CDC42BPA: variants seen among roughly 807,000 people sequenced by gnomAD.
The protein encoded by CDC42BPA is CDC42 binding protein kinase alpha.
A neutral mutation model predicts 223.5 loss-of-function variants in CDC42BPA; 80 were observed. The observed-to-expected ratio is 0.36, with a 90% CI of 0.30 to 0.43. The LOEUF is 0.43. Ranked by LOEUF, CDC42BPA falls within the 20% of genes least tolerant of loss-of-function variation. CDC42BPA has a pLI of 1.00. For missense variants in CDC42BPA, 1,743 were observed against 2,099.9 expected (o/e 0.83, Z 3.32); for synonymous variants, 694 against 718.6 (o/e 0.97, Z 0.55).
At chr1:227,025,769 G>C (rs1668142338) in intron 31 of CDC42BPA, among the ~76,000 whole-genome samples, 1 of 152,056 alleles carries the variant, frequency 6.6e-6, no homozygotes, top group African/African-American at 2.4e-5. Flanking sequence ...AAAAGTAGAA[G>C]ATAACACTGA....
At chr1:227,300,818 A>G (rs898010930) in intron 1 of CDC42BPA, among the ~76,000 whole-genome samples, 2 of 152,204 alleles carry the variant, frequency 1.3e-5, no homozygotes, top group Non-Finnish European at 2.9e-5. Context: ...TCCAAAAGCT[A>G]TGAGAATTTA....
intron 5 of CDC42BPA, among the ~76,000 whole-genome samples, chr1:227,191,563 T>C (rs189937870): frequency 6.6e-6 from 1 of 152,286 alleles, no homozygotes; most frequent in African/African-American, 2.4e-5. Flanking sequence ...TCATATTTAC[T>C]TTCACCAATC....
At chr1:227,242,959 G>A (rs1292656166) in intron 2 of CDC42BPA, among the ~76,000 whole-genome samples, 2 of 152,082 alleles carry the variant, frequency 1.3e-5, no homozygotes, top group Admixed American at 6.6e-5. Context: ...TTTTAAATGT[G>A]GTACATATAC....
intron 5 of CDC42BPA, among the ~76,000 whole-genome samples, chr1:227,188,971 G>A (rs1304898058): frequency 6.6e-6 from 1 of 151,950 alleles, no homozygotes; most frequent in African/African-American, 2.4e-5. Context: ...TAGATATAAG[G>A]GGAACTCTAT....
intron 8 of CDC42BPA, among the ~76,000 whole-genome samples, chr1:227,143,648 T>C (rs11809998): frequency 0.15 from 23,496 of 152,168 alleles, 2,196 homozygotes; most frequent in African/African-American, 0.25. Context: ...AAAAGCTTCA[T>C]TCAGGCACGA....
intron 12 of CDC42BPA, among the ~76,000 whole-genome samples, chr1:227,118,491 ATC>A (rs1292753276): frequency 6.6e-6 from 1 of 152,090 alleles, no homozygotes; most frequent in African/African-American, 2.4e-5. Flanking sequence ...TATTGGTATA[ATC>A]TGTTTCTTTT....
intron 3 of CDC42BPA, among the ~76,000 whole-genome samples, chr1:227,212,548 A>G (rs1372942562): frequency 6.6e-6 from 1 of 151,970 alleles, no homozygotes; most frequent in Non-Finnish European, 1.5e-5. Flanking sequence ...GTCCACTCCA[A>G]ATCTATGTGT....
Position 227,317,346 on chromosome 1 carries a change from C to G in CDC42BPA, c.-164G>C, listed in dbSNP as rs1362657716. 1.6e-6 allele frequency: 1 copy of G among 624,076 alleles called. No homozygotes were observed. Among genetic ancestry groups the G allele is most frequent in the African/African-American group, 1.9e-5 (1 of 54,050 alleles). 38.7% of individuals were successfully genotyped at this position (624,076 alleles called of 1,614,324 possible). A position where few individuals can be genotyped will look rare whatever the true frequency, so the allele number is the denominator to read the frequency against. On this transcript the variant is annotated 5_prime_UTR_variant, in exon 1 of 37. Transcript: ENST00000366766. ...AATTAAACATCCAACACACCAGTAACCTCACTTAACTGAAGCGTCTTCAAT... is the reference window on the plus strand; with the variant it reads ...AATTAAACATCCAACACACCAGTAAGCTCACTTAACTGAAGCGTCTTCAAT...
chr1:227,255,992 A>C (rs780288527), intron 1 of CDC42BPA, among the ~76,000 whole-genome samples: 8 of 152,200 alleles, frequency 5.3e-5, no homozygotes, highest in Non-Finnish European at 1.2e-4. Context: ...AACCCATAGA[A>C]TGGGAAAAGT....
chr1:227,070,006 A>C (rs1677942782), intron 20 of CDC42BPA, among the ~76,000 whole-genome samples, 153 bp from the exon 21 acceptor site: 1 of 151,918 alleles, frequency 6.6e-6, no homozygotes, highest in African/African-American at 2.4e-5. Flanking sequence ...AACAAAACTA[A>C]AATACACTAG....
intron 35 of CDC42BPA, among the ~76,000 whole-genome samples, chr1:227,001,357 C>T (rs1294409793): frequency 6.6e-6 from 1 of 152,098 alleles, no homozygotes; most frequent in Non-Finnish European, 1.5e-5. Context: ...TAACCAGGGA[C>T]ATAAAAAAGG....
chr1:227,000,557 A>C (rs1319995560), intron 35 of CDC42BPA, among the ~76,000 whole-genome samples: 1 of 152,184 alleles, frequency 6.6e-6, no homozygotes, highest in African/African-American at 2.4e-5. Flanking sequence ...TAGGTAAAAA[A>C]ATAAATTCTA....
chr1:227,258,804 C>A (rs768955532), intron 1 of CDC42BPA, among the ~76,000 whole-genome samples: 1 of 150,836 alleles, frequency 6.6e-6, no homozygotes, highest in Non-Finnish European at 1.5e-5. Flanking sequence ...ATTATATCCA[C>A]CAAAAAGTTC....
chr1:227,113,272 T>C (rs868126150), intron 12 of CDC42BPA, among the ~76,000 whole-genome samples: 6 of 152,376 alleles, frequency 3.9e-5, no homozygotes, highest in Middle Eastern at 3.4e-3. Context: ...GCCCTTGACA[T>C]GGAGGCTACG....
At chr1:227,308,522 A>C in intron 1 of CDC42BPA, among the ~76,000 whole-genome samples, 1 of 151,484 alleles carries the variant, frequency 6.6e-6, no homozygotes, top group Non-Finnish European at 1.5e-5. Context: ...AAAAAAAAAA[A>C]AAAAAACAGA....
chr1:227,078,736 TTCA>T (rs1258854773), intron 17 of CDC42BPA, among the ~76,000 whole-genome samples: 19 of 152,280 alleles, frequency 1.2e-4, no homozygotes, highest in African/African-American at 4.3e-4. Flanking sequence ...ATTAAAACTG[TTCA>T]TTTGTCCCAG....
chr1:227,067,577 A>C (rs1332669455), intron 21 of CDC42BPA, among the ~76,000 whole-genome samples: 4 of 152,126 alleles, frequency 2.6e-5, no homozygotes, highest in Non-Finnish European at 5.9e-5. Context: ...ACACGAGGAG[A>C]GTTCTCTTTT....
At chr1:227,149,923 G>C (rs1023948059) in intron 6 of CDC42BPA, among the ~76,000 whole-genome samples, 1 of 152,092 alleles carries the variant, frequency 6.6e-6, no homozygotes, top group African/African-American at 2.4e-5. Flanking sequence ...TGCAGGAAGG[G>C]CATAAAGTAC....
At chr1:227,201,676 CACAT>C (rs10539432) in intron 3 of CDC42BPA, among the ~76,000 whole-genome samples, 26,302 of 116,338 alleles carry the variant, frequency 0.23, 2,328 homozygotes, top group South Asian at 0.27. Context: ...CACGTGCACA[CACAT>C]ACACACACAC....
Sources: allele counts gnomAD v4.1 joint callset (sites outside exome capture counted in the v4.1 genomes callset), GRCh38; gene constraint gnomAD v4.1.1; transcripts MANE v1.5; gene names NCBI Gene and HGNC (gene_info 2026-07-23, HGNC 2026-07-21).